The following NSUN6 variants were observed in gnomAD, a reference collection of about 807,000 sequenced individuals.
NSUN6 encodes NOP2/Sun RNA methyltransferase 6.
NSUN6 carries 64 observed loss-of-function variants against 58.0 expected under a neutral mutation model. The observed-to-expected ratio is 1.10, with a 90% CI of 0.90 to 1.36. The LOEUF is 1.36. Ranked by LOEUF, NSUN6 falls within the 40% of genes most tolerant of loss-of-function variation. NSUN6 has a pLI of 0.00. For missense variants in NSUN6, 701 were observed against 550.1 expected, an observed-to-expected ratio of 1.27 and a Z score of -2.74; for synonymous variants, 231 against 193.9, an observed-to-expected ratio of 1.19 and a Z score of -1.59.
intron 2 of NSUN6, among the ~76,000 whole-genome samples, chr10:18,644,933 G>T (rs1158800273): frequency 6.6e-6 from 1 of 151,848 alleles, no homozygotes; most frequent in Non-Finnish European, 1.5e-5. Context: ...CGAAGCAGGT[G>T]GATAACCTGA....
intron 8 of NSUN6, among the ~76,000 whole-genome samples, chr10:18,573,361 T>A (rs1426720313): frequency 6.6e-6 from 1 of 151,322 alleles, no homozygotes; most frequent in Non-Finnish European, 1.5e-5. Flanking sequence ...CCTCATTCAA[T>A]TTCCAATTCC....
intron 8 of NSUN6, among the ~76,000 whole-genome samples, chr10:18,570,725 CCACTCCATTT>C: frequency 6.8e-6 from 1 of 146,062 alleles, no homozygotes; most frequent in African/African-American, 2.5e-5. Flanking sequence ...ATTCCATTCT[CCACTCCATTT>C]CATTCCATTC....
upstream of NSUN6, chr10:18,659,178 A>G: frequency 6.1e-6 from 1 of 164,644 alleles, no homozygotes; most frequent in Non-Finnish European, 1.3e-5. Context: ...GAAATTTCCC[A>G]CCCCCCCGCG....
chr10:18,598,939 C>T (rs1433665048), intron 6 of NSUN6, among the ~76,000 whole-genome samples: 1 of 152,096 alleles, frequency 6.6e-6, no homozygotes, highest in Non-Finnish European at 1.5e-5. Flanking sequence ...AGTTTCCATT[C>T]AAACATAAGA....
intron 3 of NSUN6, among the ~76,000 whole-genome samples, chr10:18,639,858 G>C (rs1292644503): frequency 6.6e-6 from 1 of 152,240 alleles, no homozygotes; most frequent in Admixed American, 6.5e-5. Flanking sequence ...GTAAAACTTT[G>C]TAGAGGGTAA....
At chr10:18,573,185 C>T (rs537800836) in intron 8 of NSUN6, among the ~76,000 whole-genome samples, 36 of 151,264 alleles carry the variant, frequency 2.4e-4, no homozygotes, top group African/African-American at 8.5e-4. Context: ...CATTCCACTG[C>T]ATTCTCCATT....
chr10:18,574,463 T>G (rs1030355867), intron 8 of NSUN6, among the ~76,000 whole-genome samples: 2 of 152,084 alleles, frequency 1.3e-5, no homozygotes, highest in African/African-American at 2.4e-5. Context: ...TTTAATTTAT[T>G]ATCATACAAA....
chr10:18,625,058 T>G (rs536019878), intron 3 of NSUN6, among the ~76,000 whole-genome samples: 167 of 152,296 alleles, frequency 1.1e-3, no homozygotes, highest in African/African-American at 3.9e-3. Context: ...CATGTCACAA[T>G]TAGGTGCTGG....
At chr10:18,614,394 A>G (rs1342937287) in intron 5 of NSUN6, 66 bp downstream of exon 5, 2 of 1,006,656 alleles carry the variant, frequency 2.0e-6, no homozygotes, top group African/African-American at 1.7e-5. Context: ...TACATTTTAC[A>G]TTATTTTTAA....
chr10:18,563,085 AGAATG>A (rs570259001), intron 8 of NSUN6, among the ~76,000 whole-genome samples: 1 of 150,572 alleles, frequency 6.6e-6, no homozygotes, highest in African/African-American at 2.4e-5. Context: ...CAGAGAATGC[AGAATG>A]GAATGGAATG....
chr10:18,623,380 C>A (rs2058676565), intron 3 of NSUN6, among the ~76,000 whole-genome samples: 1 of 152,038 alleles, frequency 6.6e-6, no homozygotes, highest in Non-Finnish European at 1.5e-5. Flanking sequence ...GGAGAAAATT[C>A]CATTTGCAAT....
intron 9 of NSUN6, among the ~76,000 whole-genome samples, chr10:18,548,711 T>C (rs1564697043): frequency 6.6e-6 from 1 of 152,196 alleles, no homozygotes; most frequent in South Asian, 2.1e-4. Flanking sequence ...AGTGCTGGGA[T>C]TGCAGGCGTG....
At chr10:18,627,675 C>T (rs989536259) in intron 3 of NSUN6, among the ~76,000 whole-genome samples, 1 of 151,458 alleles carries the variant, frequency 6.6e-6, no homozygotes, top group African/African-American at 2.5e-5. Context: ...AATTGGGTCA[C>T]TCCCACCCCA....
rs765811118 is a variant in NSUN6, at chr10:18,548,198, T to C, written c.1111A>G (p.Ser371Gly). 1.2e-6 allele frequency: 2 copies of C among 1,613,336 alleles called. No individual in the cohort carries two copies. The highest frequency in any genetic ancestry group is 4.5e-5 in the East Asian group (2 of 44,850). Reference sequence around the variant, plus strand: ...TCGGCCAGTGTTATAGTGCACGTGCTATAAACCAGCACACCCTCTGGCTTC... The same window carrying C: ...TCGGCCAGTGTTATAGTGCACGTGCCATAAACCAGCACACCCTCTGGCTTC... ...LLKPEGVLVY[S>G]TCTITLAENE... The change falls in exon 10 of 11, where the codon AGC becomes GGC. Residue 371 changes from serine (S) to glycine (G), a missense_variant. Ser to Gly is a moderately conservative substitution (Grantham distance 56). Coordinates refer to ENST00000377304, the MANE Select transcript of NSUN6 (RefSeq NM_182543.5).
intron 7 of NSUN6, among the ~76,000 whole-genome samples, chr10:18,587,121 C>G (rs935466097): frequency 5.9e-5 from 9 of 152,184 alleles, no homozygotes; most frequent in African/African-American, 2.2e-4. Flanking sequence ...ATCAACAAAA[C>G]TCAACACCAA....
At chr10:18,652,207 C>G (rs1590212437), upstream of NSUN6, 6 of 984,952 alleles carry the variant, frequency 6.1e-6, no homozygotes, top group African/African-American at 1.0e-4. Flanking sequence ...TTTGGAAGAC[C>G]CTCGCCATTA....
rs750893946 is a variant in NSUN6 at position 18,648,610 on chromosome 10, C to T, written c.111G>A (p.Arg37=). Reference sequence around the variant, plus strand: ...GGTGCTTTAACAAAGTTTCAAACTTCCTTTCTGCTTCTTGTTTACCTAAAG... The same window carrying T: ...GGTGCTTTAACAAAGTTTCAAACTTTCTTTCTGCTTCTTGTTTACCTAAAG... The part of the protein sequence containing the change: ...VTALGKQEAE[R]KFETLLKHLS... The change falls in exon 2 of 11, where the codon AGG becomes AGA. Residue 37 remains arginine, a synonymous_variant. Transcript: ENST00000377304. 1.1e-5 allele frequency: 18 copies of T among 1,606,730 alleles called. No homozygotes were observed. The highest frequency in any genetic ancestry group is 1.5e-5 in the Non-Finnish European group (18 of 1,174,406).
intron 8 of NSUN6, among the ~76,000 whole-genome samples, chr10:18,578,033 C>T (rs1049550394): frequency 7.2e-5 from 11 of 152,168 alleles, no homozygotes; most frequent in Admixed American, 2.0e-4. Flanking sequence ...AGAAGTAAAT[C>T]GCCTTGCTGA....
intron 8 of NSUN6, among the ~76,000 whole-genome samples, chr10:18,552,944 C>T (rs1284894803): frequency 6.7e-6 from 1 of 149,974 alleles, no homozygotes; most frequent in Admixed American, 6.7e-5. Flanking sequence ...CCATTCTCCA[C>T]TCAATTCTCC....
Sources: allele counts gnomAD v4.1 joint callset (sites outside exome capture counted in the v4.1 genomes callset), GRCh38; gene constraint gnomAD v4.1.1; transcripts MANE v1.5; gene names NCBI Gene and HGNC (gene_info 2026-07-23, HGNC 2026-07-21).